Variants in SNX4 observed in about 807,000 individuals in gnomAD.
The protein encoded by SNX4 is sorting nexin 4, also known as sorting nexin-4.
In SNX4, 49 loss-of-function variants were observed where a neutral mutation model predicts 70.8. The observed-to-expected ratio is 0.69, with a 90% CI of 0.55 to 0.88. The LOEUF is 0.88. Among genes scored for constraint, SNX4 ranks in the 40% least tolerant of loss-of-function variants. The probability of loss-of-function intolerance (pLI) is 0.00; values close to 1 mark genes in which losing one functional copy is unlikely to be tolerated. For synonymous variants in SNX4, 206 were observed against 183.8 expected (o/e 1.12, Z -0.98); for missense variants, 528 against 544.8 (o/e 0.97, Z 0.31).
chr3:125,462,563 C>T (rs1320591005), intron 9 of SNX4, among the ~76,000 whole-genome samples: 2 of 121,726 alleles, frequency 1.6e-5, no homozygotes, highest in Non-Finnish European at 3.1e-5. Flanking sequence ...TGTATTCAAG[C>T]TGGGGTGACA....
Position 125,460,787 on chromosome 3 carries a change from A to G in SNX4, c.928T>C (p.Tyr310His). Residue 310 changes from tyrosine (Y) to histidine (H), a missense_variant, in exon 10 of 14, where the codon TAT (tyrosine) becomes CAT (histidine). By Grantham distance (83) the Tyr-to-His change is moderately conservative (BLOSUM62 2). Coordinates refer to ENST00000251775, the MANE Select transcript of SNX4 (RefSeq NM_003794.4). The part of the protein sequence containing the change: ...YADQLKEYLF[Y>H]AEALRAVCRK... ...TAAACTTACCGCAATGCTTCTGCAT[A>G]AAAAAGATACTCTTTTAACTGATCT... 6.4e-7 allele frequency: 1 copy of G among 1,553,200 alleles called. No individual in the cohort carries two copies. The highest frequency in any genetic ancestry group is 8.7e-7 in the Non-Finnish European group (1 of 1,145,348).
chr3:125,484,819 C>CA (rs1227113661), intron 6 of SNX4, among the ~76,000 whole-genome samples: 1 of 151,892 alleles, frequency 6.6e-6, no homozygotes, highest in Non-Finnish European at 1.5e-5. Flanking sequence ...GCAAAAAGTA[C>CA]AAAAAATTAG....
chr3:125,516,199 G>C (rs1325911493), intron 1 of SNX4, among the ~76,000 whole-genome samples: 1 of 152,016 alleles, frequency 6.6e-6, no homozygotes, highest in African/African-American at 2.4e-5. Flanking sequence ...TACTGTAAAT[G>C]GTTTTTCTCT....
At position 125,498,043 on chromosome 3, in the gene SNX4, C is replaced by A; in HGVS notation, c.399+16G>T. 8.1e-6 allele frequency: 13 copies of A among 1,613,960 alleles called. No homozygotes were observed. Among genetic ancestry groups the A allele is most frequent in the Non-Finnish European group, 1.1e-5 (13 of 1,179,936 alleles). Reference sequence around the variant, plus strand: ...AATGCTGAATACTTCTAAACTACTGCCATTTCACTTCTTACCCGTTTTTCT... The same window carrying A: ...AATGCTGAATACTTCTAAACTACTGACATTTCACTTCTTACCCGTTTTTCT... On this transcript the variant is annotated intron_variant, in intron 3 of 13. Coordinates refer to ENST00000251775, the MANE Select transcript of SNX4 (RefSeq NM_003794.4).
chr3:125,457,471 G>C, intron 10 of SNX4, 106 bp from the exon 11 acceptor site: 1 of 705,506 alleles, frequency 1.4e-6, no homozygotes, highest in Non-Finnish European at 2.4e-6. Flanking sequence ...AGGGCAGAAT[G>C]TGTGTGCCCA....
chr3:125,481,400 C>T (rs1246130858), intron 6 of SNX4, among the ~76,000 whole-genome samples: 1 of 152,060 alleles, frequency 6.6e-6, no homozygotes, highest in Admixed American at 6.6e-5. Flanking sequence ...ACTTCCTTCA[C>T]CCATCTCTTA....
chr3:125,469,669 G>A, intron 8 of SNX4, 150 bp from the exon 9 acceptor site: 1 of 594,860 alleles, frequency 1.7e-6, no homozygotes, highest in South Asian at 2.2e-5. Flanking sequence ...CAAATATGCT[G>A]TTTTCCCCTT....
intron 1 of SNX4, among the ~76,000 whole-genome samples, chr3:125,516,386 T>A (rs1935277455): frequency 6.6e-6 from 1 of 152,204 alleles, no homozygotes; most frequent in African/African-American, 2.4e-5. Flanking sequence ...GACTATAGCT[T>A]TAAAAAACTA....
At chr3:125,464,245 A>G (rs1933952659) in intron 9 of SNX4, among the ~76,000 whole-genome samples, 1 of 152,154 alleles carries the variant, frequency 6.6e-6, no homozygotes, top group East Asian at 1.9e-4. Context: ...TGCTCCTTCA[A>G]TGGTATCAAA....
intron 6 of SNX4, among the ~76,000 whole-genome samples, chr3:125,485,772 A>C (rs183746567): frequency 6.6e-6 from 1 of 152,292 alleles, no homozygotes; most frequent in Non-Finnish European, 1.5e-5. Context: ...GAGAAATCAT[A>C]AATGACAGTC....
chr3:125,457,572 CTTTTTTTTTT>C (rs1005344428), intron 10 of SNX4, among the ~76,000 whole-genome samples: 5 of 110,438 alleles, frequency 4.5e-5, no homozygotes, highest in African/African-American at 7.1e-5. Context: ...TTCATATATT[CTTTTTTTTTT>C]TTTTTTTTTT....
chr3:125,455,412 C>T (rs1189236007), intron 11 of SNX4, among the ~76,000 whole-genome samples: 3 of 152,202 alleles, frequency 2.0e-5, no homozygotes, highest in African/African-American at 7.2e-5. Flanking sequence ...TAACTCAACG[C>T]TCAAACTTGG....
At chr3:125,510,495 C>T (rs1432809704) in intron 1 of SNX4, among the ~76,000 whole-genome samples, 1 of 152,116 alleles carries the variant, frequency 6.6e-6, no homozygotes, top group Non-Finnish European at 1.5e-5. Flanking sequence ...TCCCAAAGTG[C>T]TGGGATTACA....
chr3:125,515,316 C>A (rs1165871313), intron 1 of SNX4, among the ~76,000 whole-genome samples: 1 of 151,548 alleles, frequency 6.6e-6, no homozygotes, highest in Non-Finnish European at 1.5e-5. Flanking sequence ...TATGCCACAG[C>A]ACTCCAATCT....
chr3:125,478,406 T>A (rs898779243), intron 7 of SNX4, among the ~76,000 whole-genome samples: 6 of 134,076 alleles, frequency 4.5e-5, no homozygotes, highest in African/African-American at 1.8e-4. Context: ...CAGTGTTGAA[T>A]GTTTTTCTTT....
At chr3:125,504,483 CA>C (rs1559824295) in intron 2 of SNX4, 139 bp downstream of exon 2, 282 of 792,012 alleles carry the variant, frequency 3.6e-4, no homozygotes, top group South Asian at 5.4e-4. Context: ...GACCCTGTCT[CA>C]AAAAAAAGTA....
chr3:125,469,345 C>T (rs748047215), intron 9 of SNX4, 109 bp downstream of exon 9: 28 of 702,848 alleles, frequency 4.0e-5, no homozygotes, highest in Non-Finnish European at 6.3e-5. Flanking sequence ...ACACATAGAG[C>T]GCAATATAAA....
intron 5 of SNX4, among the ~76,000 whole-genome samples, chr3:125,492,652 CTTATTTT>C (rs1297557953): frequency 1.3e-5 from 2 of 152,130 alleles, no homozygotes; most frequent in African/African-American, 2.4e-5. Context: ...TTTAAAGTAT[CTTATTTT>C]TTATTTAAAT....
intron 9 of SNX4, among the ~76,000 whole-genome samples, chr3:125,467,413 T>C (rs1934055479): frequency 1.3e-5 from 2 of 149,996 alleles, no homozygotes; most frequent in African/African-American, 4.9e-5. Context: ...AAAATAAACA[T>C]AAAAATAAAG....
Sources: allele counts gnomAD v4.1 joint callset (sites outside exome capture counted in the v4.1 genomes callset), GRCh38; gene constraint gnomAD v4.1.1; transcripts MANE v1.5; gene names NCBI Gene and HGNC (gene_info 2026-07-23, HGNC 2026-07-21).